C11orf65: variants seen among roughly 807,000 people sequenced by gnomAD.
C11orf65 encodes chromosome 11 open reading frame 65.
In C11orf65, 38 loss-of-function variants were observed where a neutral mutation model predicts 35.3. The ratio of observed to expected loss-of-function variants is 1.08; its 90% CI spans 0.83 to 1.41. The LOEUF (loss-of-function observed/expected upper bound fraction) is 1.41. C11orf65 is among the 40% of genes most tolerant of loss of function. C11orf65 has a pLI of 0.00. For synonymous variants in C11orf65, 105 were observed against 114.4 expected (o/e 0.92, Z 0.53); for missense variants, 370 against 367.1 (o/e 1.01, Z -0.06).
chr11:108,373,878 G>T (rs769771502), intron 2 of C11orf65, among the ~76,000 whole-genome samples: 1 of 152,182 alleles, frequency 6.6e-6, no homozygotes, highest in East Asian at 1.9e-4. Context: ...ATTATATCCC[G>T]CACCTGGCTT....
At chr11:108,460,492 C>T (rs561749719) in intron 2 of C11orf65, among the ~76,000 whole-genome samples, 46 of 152,104 alleles carry the variant, frequency 3.0e-4, no homozygotes, top group African/African-American at 8.7e-4. Flanking sequence ...TGAAGCTCCT[C>T]GAGAATAAGT....
intron 6 of C11orf65, among the ~76,000 whole-genome samples, chr11:108,397,370 T>C (rs1222875642): frequency 1.3e-5 from 2 of 150,650 alleles, no homozygotes; most frequent in Non-Finnish European, 1.5e-5. Context: ...AATTTTGCAA[T>C]ATATTTTTAG....
At chr11:108,381,563 G>C (rs1303683912), downstream of C11orf65, among the ~76,000 whole-genome samples, 1 of 152,138 alleles carries the variant, frequency 6.6e-6, no homozygotes, top group Non-Finnish European at 1.5e-5. Context: ...TAACACAAAA[G>C]TTTTTTGGCT....
At chr11:108,323,527 A>G (rs779148078) in intron 6 of C11orf65, among the ~76,000 whole-genome samples, 10 of 152,184 alleles carry the variant, frequency 6.6e-5, no homozygotes, top group Non-Finnish European at 1.3e-4. Context: ...TTTACTGTAT[A>G]TTTTTAAATA....
chr11:108,432,476 G>A (rs1316736608), intron 2 of C11orf65, among the ~76,000 whole-genome samples: 1 of 152,058 alleles, frequency 6.6e-6, no homozygotes, highest in Non-Finnish European at 1.5e-5. Context: ...AATATTTATT[G>A]AGTGTTCATC....
chr11:108,449,566 G>C (rs2093317544), intron 2 of C11orf65, among the ~76,000 whole-genome samples: 1 of 152,020 alleles, frequency 6.6e-6, no homozygotes, highest in African/African-American at 2.4e-5. Flanking sequence ...ATGGTGCTGG[G>C]AAAACTGGCT....
At chr11:108,330,187 T>A (rs2136449635), downstream of C11orf65, 2 of 1,602,174 alleles carry the variant, frequency 1.2e-6, no homozygotes, top group Non-Finnish European at 1.7e-6. Context: ...ATGGCTTTTG[T>A]GTTTTACCTT....
At position 108,383,099 on chromosome 11, in the gene C11orf65, T is replaced by A; in HGVS notation, c.864A>T (p.Pro288=). 2 of 1,612,124 alleles carry A rather than the reference T, an allele frequency of 1.2e-6. No individual in the cohort carries two copies. Among genetic ancestry groups the A allele is most frequent in the Non-Finnish European group, 1.7e-6 (2 of 1,178,972 alleles). ...AAACATTTTCATAGTAAGTATCATC[T>A]GGTATTCCCATTTGCATCTTTGATA... ...GDISKMQMGI[P]DDTYYENVYQ... is the part of the protein sequence containing the mutation. The change falls in exon 9 of 9, where the codon CCA becomes CCT. Residue 288 remains proline, a synonymous_variant. Transcript: ENST00000393084.
chr11:108,405,440 C>A lies in C11orf65; in HGVS notation c.549G>T (p.Trp183Cys). Residue 183 changes from tryptophan (W) to cysteine (C), a missense_variant, in exon 6 of 9, where the codon TGG becomes TGT. Transcript: ENST00000393084. ...TTTCATCAACTTACATTTGCCTCAT[C>A]CACTCTATTTTTCTAAGTTTTCTTT... ...EKKRKLRKIE[W>C]MRQMYYSGSL... 6.2e-7 allele frequency: 1 copy of A among 1,611,942 alleles called. No homozygotes were observed. Among genetic ancestry groups the A allele is most frequent in the Non-Finnish European group, 8.5e-7 (1 of 1,179,648 alleles).
chr11:108,376,664 C>A (rs1030165403), intron 2 of C11orf65, among the ~76,000 whole-genome samples: 3 of 151,992 alleles, frequency 2.0e-5, no homozygotes, highest in South Asian at 2.1e-4. Context: ...ACACAAAAAA[C>A]CGTTCAAAAA....
At chr11:108,448,311 G>T (rs1429826747) in intron 2 of C11orf65, among the ~76,000 whole-genome samples, 1 of 152,138 alleles carries the variant, frequency 6.6e-6, no homozygotes, top group Non-Finnish European at 1.5e-5. Context: ...TGATACGAAA[G>T]CCAGGCAGAG....
Position 108,384,720 on chromosome 11 carries a change from C to A in C11orf65, c.787+1200G>T, listed in dbSNP as rs1476486012. On this transcript the variant is annotated intron_variant, in intron 8 of 8. Transcript: ENST00000393084. ...CCTGGGAGGCAGAGGCTGCAGGGAA[C>A]TGAGGTCCAGGCCACTGCACTCCAG... 5.3e-5 allele frequency among the ~76,000 whole-genome samples: 8 copies of A among 152,208 alleles called. No individual in the cohort carries two copies. In the East Asian group the frequency reaches 1.5e-3, roughly 29 times the overall value.
intron 2 of C11orf65, among the ~76,000 whole-genome samples, chr11:108,438,237 T>C (rs1276301571): frequency 2.0e-5 from 3 of 152,192 alleles, no homozygotes; most frequent in African/African-American, 7.2e-5. Flanking sequence ...TTACACCATA[T>C]GCAACATTAA....
intron 3 of C11orf65, chr11:108,331,776 C>A: frequency 1.4e-6 from 2 of 1,397,814 alleles, no homozygotes; most frequent in Non-Finnish European, 2.0e-6. Context: ...CTACCCACTG[C>A]AGTATCTAGA....
intron 6 of C11orf65, among the ~76,000 whole-genome samples, chr11:108,403,240 G>T (rs549453225): frequency 2.5e-4 from 38 of 152,194 alleles, no homozygotes; most frequent in African/African-American, 8.7e-4. Context: ...GACTATTTCA[G>T]TCATTCTAGT....
intron 3 of C11orf65, among the ~76,000 whole-genome samples, chr11:108,427,535 C>T (rs1281233420): frequency 1.3e-5 from 2 of 150,666 alleles, no homozygotes; most frequent in Non-Finnish European, 3.0e-5. Flanking sequence ...CTGGCTAACA[C>T]GGTGAAACCC....
intron 3 of C11orf65, among the ~76,000 whole-genome samples, chr11:108,419,887 A>C (rs2092790546): frequency 6.6e-6 from 1 of 152,226 alleles, no homozygotes; most frequent in African/African-American, 2.4e-5. Context: ...ATTCACCATT[A>C]CTGAAGGCTC....
intron 2 of C11orf65, among the ~76,000 whole-genome samples, chr11:108,360,579 A>G (rs571716503): frequency 1.4e-5 from 2 of 142,972 alleles, no homozygotes; most frequent in Admixed American, 1.4e-4. Context: ...CCAGCAGCAC[A>G]TCCAAAAGCT....
chr11:108,363,560 GT>G (rs1565604516), intron 2 of C11orf65, among the ~76,000 whole-genome samples: 1 of 152,192 alleles, frequency 6.6e-6, no homozygotes, highest in Non-Finnish European at 1.5e-5. Flanking sequence ...GATGAGGATA[GT>G]ATTGGCATCT....
Sources: gnomAD v4.1 joint callset for allele counts (sites outside exome capture counted in the v4.1 genomes callset) on GRCh38, gnomAD v4.1.1 for gene constraint, MANE v1.5 for transcripts, NCBI Gene and HGNC (gene_info 2026-07-23, HGNC 2026-07-21) for gene names.